EFCAB6: variants seen among roughly 807,000 people sequenced by gnomAD.
The protein encoded by EFCAB6 is EF-hand calcium binding domain 6.
EFCAB6 carries 156 observed loss-of-function variants against 169.8 expected under a neutral mutation model. That is an observed-to-expected ratio of 0.92 (90% CI 0.81 to 1.05). The LOEUF (loss-of-function observed/expected upper bound fraction) is 1.05, where lower values mean the gene tolerates loss of function less well. EFCAB6 is among the 50% of genes least tolerant of loss of function. The probability of loss-of-function intolerance (pLI) is 0.00; values close to 1 mark genes in which losing one functional copy is unlikely to be tolerated. For synonymous variants in EFCAB6, 698 were observed against 676.4 expected, an observed-to-expected ratio of 1.03 and a Z score of -0.50; for missense variants, 1,800 against 1,829.1, an observed-to-expected ratio of 0.98 and a Z score of 0.29.
At position 43,603,011 on chromosome 22, in the gene EFCAB6, C is replaced by T. The variant is rs182183859; in HGVS notation, c.2682-2748G>A. Among the ~76,000 whole-genome samples, 62 of 151,972 alleles carry T rather than the reference C, an allele frequency of 4.1e-4. 1 individual carries two copies. In the Middle Eastern group the frequency reaches 0.02, roughly 50 times the overall value. On this transcript the variant is annotated intron_variant, in intron 22 of 31. Transcript: ENST00000262726. ...ATCATTTTTACAAATTCACAGCATT[C>T]AGCAACACACTTTGCATGAGCTACG...
At chr22:43,785,630 G>C (rs1342246002) in intron 2 of EFCAB6, among the ~76,000 whole-genome samples, 1 of 152,042 alleles carries the variant, frequency 6.6e-6, no homozygotes, top group African/African-American at 2.4e-5. Flanking sequence ...TAAAGCCAAA[G>C]TTAGTAGAAT....
rs2060920623 is a variant in EFCAB6 at position 43,755,427 on chromosome 22, G to T, written c.507+339C>A. The stretch of plus-strand genomic sequence containing the variant: ...GATTGGCATTGACTGCTGCAAAGCA[G>T]TCGTTTTCCCTTTCTAAAGAAAAAC... On this transcript the variant is annotated intron_variant, in intron 6 of 31. Coordinates refer to ENST00000262726, the MANE Select transcript of EFCAB6 (RefSeq NM_022785.4). 2.6e-5 allele frequency among the ~76,000 whole-genome samples: 4 copies of T among 152,354 alleles called. 1 individual carries two copies. In the South Asian group the frequency reaches 8.3e-4, roughly 32 times the overall value.
chr22:43,573,257 T>C (rs890274887), intron 26 of EFCAB6, among the ~76,000 whole-genome samples: 3 of 152,216 alleles, frequency 2.0e-5, no homozygotes, highest in African/African-American at 7.2e-5. Flanking sequence ...GTGAGTCAAG[T>C]GATCTCTGTT....
intron 27 of EFCAB6, among the ~76,000 whole-genome samples, chr22:43,541,630 G>A (rs2047731765): frequency 6.6e-6 from 1 of 152,154 alleles, no homozygotes; most frequent in Non-Finnish European, 1.5e-5. Context: ...GGACCTTGAG[G>A]ATGTGACTGC....
At chr22:43,775,188 T>G (rs1007335413) in intron 3 of EFCAB6, among the ~76,000 whole-genome samples, 1 of 152,016 alleles carries the variant, frequency 6.6e-6, no homozygotes, top group Non-Finnish European at 1.5e-5. Context: ...CTGGCCTGGG[T>G]GGCTGGGCAG....
At chr22:43,789,713 A>C (rs1481890998) in intron 2 of EFCAB6, among the ~76,000 whole-genome samples, 4 of 152,110 alleles carry the variant, frequency 2.6e-5, no homozygotes. Context: ...GTGTTTCAGA[A>C]AATAAGGGGA....
rs1280090882 is a variant in EFCAB6 at position 43,576,299 on chromosome 22, C to G, written c.3418G>C (p.Glu1140Gln). 1.8e-5 allele frequency: 29 copies of G among 1,580,326 alleles called. No homozygotes were observed. The highest frequency in any genetic ancestry group is 6.9e-5 in the African/African-American group (5 of 72,466). Residue 1140 changes from glutamate to glutamine, a missense_variant and splice_region_variant, in exon 26 of 32, where the codon GAG (glutamate) becomes CAG (glutamine). By Grantham distance (29) the Glu-to-Gln change is conservative (BLOSUM62 2). Coordinates refer to ENST00000262726, the MANE Select transcript of EFCAB6 (RefSeq NM_022785.4). The stretch of plus-strand genomic sequence containing the variant: ...TTATGTGCTGCAGACATTCTTACCT[C>G]CTCAAGGAAACAGCTAAAGTTCTGG... ...FLQNFSCFLEETADEWAEKMP... is the reference protein window; with the variant it reads ...FLQNFSCFLEQTADEWAEKMP...
chr22:43,803,053 G>A (rs903169465), intron 2 of EFCAB6, among the ~76,000 whole-genome samples: 1 of 152,162 alleles, frequency 6.6e-6, no homozygotes, highest in Non-Finnish European at 1.5e-5. Context: ...ACTTTAGCAT[G>A]AAAGCCTTAA....
chr22:43,610,852 A>G (rs766969924), intron 21 of EFCAB6, among the ~76,000 whole-genome samples: 2 of 152,194 alleles, frequency 1.3e-5, no homozygotes, highest in Non-Finnish European at 2.9e-5. Context: ...ACAAGTAAAA[A>G]TCTGAACAAA....
At chr22:43,613,529 A>C (rs2053471232) in intron 21 of EFCAB6, among the ~76,000 whole-genome samples, 2 of 152,170 alleles carry the variant, frequency 1.3e-5, no homozygotes, top group South Asian at 4.1e-4. Flanking sequence ...CAAATTCTGC[A>C]TGTTCTCACT....
intron 2 of EFCAB6, among the ~76,000 whole-genome samples, chr22:43,806,045 A>G (rs1456452848): frequency 6.6e-6 from 1 of 151,944 alleles, no homozygotes; most frequent in African/African-American, 2.4e-5. Flanking sequence ...GAGTGCCTGT[A>G]ATCCCAGCTA....
At chr22:43,553,610 G>C (rs1340801396) in intron 27 of EFCAB6, 1 of 152,380 alleles carries the variant, frequency 6.6e-6, no homozygotes, top group South Asian at 2.1e-4. Context: ...AAAGCAACCT[G>C]GGGCACTGCT....
intron 22 of EFCAB6, among the ~76,000 whole-genome samples, chr22:43,605,294 C>T (rs142182019): frequency 3.9e-5 from 6 of 152,274 alleles, no homozygotes; most frequent in South Asian, 2.1e-4. Context: ...AAGATGATAA[C>T]GATCCTTTTG....
At chr22:43,570,607 G>C (rs5764465) in intron 26 of EFCAB6, among the ~76,000 whole-genome samples, 111,576 of 149,304 alleles carry the variant, frequency 0.75, 41,828 homozygotes, top group Admixed American at 0.81. Context: ...CCGTTTAGGT[G>C]TTCTCTTTTT....
chr22:43,751,229 G>A (rs1368966863), intron 6 of EFCAB6, among the ~76,000 whole-genome samples: 2 of 152,160 alleles, frequency 1.3e-5, no homozygotes, highest in African/African-American at 2.4e-5. Flanking sequence ...ACGACCTTCT[G>A]AACATACACT....
In EFCAB6 at chr22:43,769,172, G is replaced by A. The variant is rs541131745; in HGVS notation, c.351+3720C>T. ...TGGACTATTACTCAGCCATAAAAAG[G>A]AATGAGGTACAAATTCATGCTGTAA... is the stretch of plus-strand genomic sequence containing the variant. On this transcript the variant is annotated intron_variant, in intron 4 of 31. Transcript: ENST00000262726. Among the ~76,000 whole-genome samples the A allele has an allele frequency of 3.9e-5, 6 of 152,340 alleles. No homozygotes were observed. In the South Asian group the frequency reaches 1.0e-3, roughly 26 times the overall value.
At chr22:43,729,373 A>G (rs2059853367) in intron 8 of EFCAB6, among the ~76,000 whole-genome samples, 1 of 152,172 alleles carries the variant, frequency 6.6e-6, no homozygotes, top group Non-Finnish European at 1.5e-5. Flanking sequence ...CTGGGATTAC[A>G]GGCGTGAGCC....
chr22:43,637,293 C>A (rs74824731), intron 17 of EFCAB6, among the ~76,000 whole-genome samples: 1 of 152,198 alleles, frequency 6.6e-6, no homozygotes, highest in Non-Finnish European at 1.5e-5. Flanking sequence ...GCAGTCTGGA[C>A]GTGGTTCTTG....
intron 23 of EFCAB6, among the ~76,000 whole-genome samples, chr22:43,594,721 A>G (rs1251092972): frequency 6.6e-6 from 1 of 152,240 alleles, no homozygotes; most frequent in African/African-American, 2.4e-5. Flanking sequence ...CAATGGGCAG[A>G]TCATCCAGAC....
Sources: gnomAD v4.1 joint callset for allele counts (sites outside exome capture counted in the v4.1 genomes callset) on GRCh38, gnomAD v4.1.1 for gene constraint, MANE v1.5 for transcripts, NCBI Gene and HGNC (gene_info 2026-07-23, HGNC 2026-07-21) for gene names.